ITPR1: variants seen among roughly 807,000 people sequenced by gnomAD.
ITPR1 encodes inositol 1,4,5-trisphosphate-gated calcium channel ITPR1.
ITPR1 carries 96 observed loss-of-function variants against 318.4 expected under a neutral mutation model. The ratio of observed to expected loss-of-function variants is 0.30; its 90% confidence interval spans 0.26 to 0.36. The LOEUF (loss-of-function observed/expected upper bound fraction) is 0.36, where lower values mean the gene tolerates loss of function less well. Among genes scored for constraint, ITPR1 ranks in the 10% least tolerant of loss-of-function variants. The pLI is 1.00. For missense variants in ITPR1, 2,440 were observed against 3,460.2 expected (o/e 0.71, Z 7.40); for synonymous variants, 1,312 against 1,289.9 (o/e 1.02, Z -0.37).
chr3:4,784,353 A>G (rs2047027999), intron 51 of ITPR1, among the ~76,000 whole-genome samples: 1 of 152,212 alleles, frequency 6.6e-6, no homozygotes, highest in East Asian at 1.9e-4. Context: ...ACGTGGGAAG[A>G]TTCTAGGTGA....
At chr3:4,639,759 C>A (rs891599246) in intron 6 of ITPR1, among the ~76,000 whole-genome samples, 2 of 149,380 alleles carry the variant, frequency 1.3e-5, no homozygotes, top group Non-Finnish European at 3.0e-5. Flanking sequence ...CTGGCTGTGG[C>A]AGTTCTGTTT....
At chr3:4,781,252 G>C (rs544616231) in intron 49 of ITPR1, among the ~76,000 whole-genome samples, 1 of 152,190 alleles carries the variant, frequency 6.6e-6, no homozygotes, top group African/African-American at 2.4e-5. Context: ...GAATGGCCTC[G>C]TGGCAATGGG....
At chr3:4,541,721 G>A (rs1474076699) in intron 4 of ITPR1, among the ~76,000 whole-genome samples, 3 of 152,008 alleles carry the variant, frequency 2.0e-5, no homozygotes, top group African/African-American at 7.3e-5. Context: ...CGCCTCCCAG[G>A]TTCAAGCCGT....
intron 5 of ITPR1, among the ~76,000 whole-genome samples, chr3:4,632,086 A>G (rs2093032270): frequency 6.6e-6 from 1 of 152,230 alleles, no homozygotes; most frequent in African/African-American, 2.4e-5. Context: ...TCCACTGAAC[A>G]TCAGTAGCAC....
At chr3:4,560,590 T>G (rs1213095928) in intron 4 of ITPR1, among the ~76,000 whole-genome samples, 1 of 152,202 alleles carries the variant, frequency 6.6e-6, no homozygotes, top group Non-Finnish European at 1.5e-5. Flanking sequence ...ACTTTCATGT[T>G]AAGCTTTCTC....
intron 4 of ITPR1, among the ~76,000 whole-genome samples, chr3:4,550,851 A>C (rs1041024661): frequency 2.6e-5 from 4 of 151,752 alleles, no homozygotes; most frequent in African/African-American, 9.7e-5. Context: ...ATGCTACTGT[A>C]CTCCAGCTTG....
At chr3:4,706,636 T>TA (rs2094763326) in intron 37 of ITPR1, among the ~76,000 whole-genome samples, 1 of 152,162 alleles carries the variant, frequency 6.6e-6, no homozygotes, top group African/African-American at 2.4e-5. Context: ...ATTGAAGTAT[T>TA]ACAGAGGATG....
intron 44 of ITPR1, among the ~76,000 whole-genome samples, chr3:4,736,680 CATGT>C (rs1377666766): frequency 6.6e-6 from 1 of 152,158 alleles, no homozygotes. Context: ...TTTATTTTGT[CATGT>C]GTGTGTGGGT....
At chr3:4,690,356 G>A (rs6803471) in intron 31 of ITPR1, among the ~76,000 whole-genome samples, 65,756 of 152,006 alleles carry the variant, frequency 0.43, 15,621 homozygotes, top group Non-Finnish European at 0.56. Flanking sequence ...CAAATGGCCA[G>A]TAAATGTGAC....
intron 4 of ITPR1, among the ~76,000 whole-genome samples, chr3:4,606,514 T>G (rs2686619): frequency 0.019 from 2,967 of 152,234 alleles, 93 homozygotes; most frequent in African/African-American, 0.066. Context: ...CTGTGGTCCT[T>G]GCCTTTCTCC....
At position 4,521,162 on chromosome 3, in the gene ITPR1, T is replaced by G. The variant is rs1013561461; in HGVS notation, c.163+68T>G. 6.1e-5 allele frequency: 54 copies of G among 878,960 alleles called. No homozygotes were observed. In the African/African-American group the frequency reaches 7.7e-4, roughly 13 times the overall value. The allele number at this position is 878,960 out of a possible 1,614,324, so 54.4% of individuals were successfully genotyped here. Reference sequence around the variant, plus strand: ...GAAAATTCTTGAAGTGTGTTGTTGGTGTGTGTGTGTGTTTATAAGCAAAAT... The same window carrying G: ...GAAAATTCTTGAAGTGTGTTGTTGGGGTGTGTGTGTGTTTATAAGCAAAAT... On this transcript the variant is annotated intron_variant, in intron 4 of 61. Transcript: ENST00000649015.
chr3:4,715,309 T>C (rs2041687406), intron 39 of ITPR1, among the ~76,000 whole-genome samples: 1 of 152,224 alleles, frequency 6.6e-6, no homozygotes, highest in Non-Finnish European at 1.5e-5. Context: ...ATGTAAACAA[T>C]AGTGGGCATT....
rs985803971 is a variant in ITPR1, at chr3:4,692,218, G to C, written c.4029+874G>C. ...GTCACCTGAACCCCTTCACTGAAGG[G>C]TGCCATGAGATACATTACTTGACCT... On this transcript the variant is annotated intron_variant, in intron 32 of 61. Coordinates refer to ENST00000649015, the MANE Select transcript of ITPR1 (RefSeq NM_001378452.1). Among the ~76,000 whole-genome samples the C allele has an allele frequency of 7.9e-5, 12 of 152,160 alleles. No individual in the cohort carries two copies. The South Asian group carries it at 8.3e-4, about 11-fold the overall frequency.
intron 4 of ITPR1, among the ~76,000 whole-genome samples, chr3:4,587,859 C>G (rs181295607): frequency 6.6e-6 from 1 of 152,176 alleles, no homozygotes; most frequent in South Asian, 2.1e-4. Context: ...ATCATGCTTC[C>G]TGGAGTCTTC....
At chr3:4,665,326 T>G in intron 17 of ITPR1, 30 bp downstream of exon 17, 1 of 1,583,424 alleles carries the variant, frequency 6.3e-7, no homozygotes, top group Non-Finnish European at 8.6e-7. Flanking sequence ...GGGATGTGGT[T>G]GTCAGTTTCC....
At chr3:4,563,947 CT>C (rs535158611) in intron 4 of ITPR1, among the ~76,000 whole-genome samples, 7,882 of 146,246 alleles carry the variant, frequency 0.054, 631 homozygotes, top group African/African-American at 0.18. Flanking sequence ...GTTTTCTTTT[CT>C]TTTTTTTTTT....
At chr3:4,751,208 T>A (rs997999307) in intron 44 of ITPR1, 1 of 152,612 alleles carries the variant, frequency 6.6e-6, no homozygotes, top group African/African-American at 2.4e-5. Context: ...AGAATGGGTT[T>A]ACCCCACAAT....
intron 10 of ITPR1, among the ~76,000 whole-genome samples, chr3:4,650,645 GCGCGCGTCTGTCTGTGTC>G (rs2093576055): frequency 1.2e-4 from 6 of 51,720 alleles, no homozygotes; most frequent in Admixed American, 2.3e-4. Flanking sequence ...GTGTGTGTGT[GCGCGCGTCTGTCTGTGTC>G]TGTGTGTTTA....
chr3:4,833,551 A>T (rs1395540685), intron 60 of ITPR1, among the ~76,000 whole-genome samples: 2 of 152,242 alleles, frequency 1.3e-5, no homozygotes, highest in Non-Finnish European at 2.9e-5. Flanking sequence ...GACTGCTAGC[A>T]GTGAGGACTG....
Sources: allele counts gnomAD v4.1 joint callset (sites outside exome capture counted in the v4.1 genomes callset), GRCh38; gene constraint gnomAD v4.1.1; transcripts MANE v1.5; gene names NCBI Gene and HGNC (gene_info 2026-07-23, HGNC 2026-07-21).